ENOX1: variants seen among roughly 807,000 people sequenced by gnomAD.
ENOX1 encodes candidate growth-related and time keeping constitutive hydroquinone (NADH) oxidase.
A neutral mutation model predicts 82.5 loss-of-function variants in ENOX1; 42 were observed. The observed-to-expected ratio is 0.51, with a 90% CI of 0.40 to 0.66. The LOEUF (loss-of-function observed/expected upper bound fraction) is 0.66. ENOX1 is among the 30% of genes least tolerant of loss of function. The pLI, the probability that ENOX1 is intolerant of heterozygous loss-of-function variation, is 0.00. For missense variants in ENOX1, 608 were observed against 811.6 expected, an observed-to-expected ratio of 0.75 and a Z score of 3.05; for synonymous variants, 271 against 282.2, an observed-to-expected ratio of 0.96 and a Z score of 0.40.
intron 8 of ENOX1, among the ~76,000 whole-genome samples, chr13:43,353,934 G>A (rs188501111): frequency 3.3e-5 from 5 of 152,320 alleles, no homozygotes; most frequent in African/African-American, 1.2e-4. Flanking sequence ...AAAAGGAGCG[G>A]CAAATGCCAC....
Position 43,477,505 on chromosome 13 carries a change from C to G in ENOX1, c.-75+6504G>C, listed in dbSNP as rs190560266. Among the ~76,000 whole-genome samples the G allele has an allele frequency of 7.2e-5, 11 of 152,170 alleles. No individual in the cohort carries two copies. The East Asian group carries it at 1.9e-3, about 27-fold the overall frequency. The stretch of plus-strand genomic sequence containing the variant: ...TGAGCTGAGCTGAGAATATACAAGG[C>G]TGATTATTTTCCATCTTCAGAAAGA... On this transcript the variant is annotated intron_variant, in intron 3 of 16. Coordinates refer to ENST00000690772, the MANE Select transcript of ENOX1 (RefSeq NM_001347969.2).
At chr13:43,541,780 T>G (rs1248766646) in intron 2 of ENOX1, among the ~76,000 whole-genome samples, 1 of 152,216 alleles carries the variant, frequency 6.6e-6, no homozygotes, top group Non-Finnish European at 1.5e-5. Context: ...CCATCATGTT[T>G]GTAATTGAAA....
At chr13:43,753,987 C>CGT (rs1389141937) in intron 1 of ENOX1, among the ~76,000 whole-genome samples, 7 of 5,990 alleles carry the variant, frequency 1.2e-3, no homozygotes, top group East Asian at 9.2e-3. Flanking sequence ...TACGTATCTA[C>CGT]GTGTGTGTGT....
intron 3 of ENOX1, among the ~76,000 whole-genome samples, chr13:43,448,901 A>C (rs538625607): frequency 6.6e-6 from 1 of 152,244 alleles, no homozygotes; most frequent in East Asian, 1.9e-4. Flanking sequence ...CAATTTCTAC[A>C]CTGGGGTCTG....
At chr13:43,720,279 G>C (rs2088479130) in intron 1 of ENOX1, among the ~76,000 whole-genome samples, 1 of 152,160 alleles carries the variant, frequency 6.6e-6, no homozygotes, top group Admixed American at 6.5e-5. Context: ...GGCAGCCCTG[G>C]ACTAGGGCTG....
At position 43,489,808 on chromosome 13, in the gene ENOX1, T is replaced by C. The variant is rs140510420; in HGVS notation, c.-218-5656A>G. On this transcript the variant is annotated intron_variant, in intron 2 of 16. Transcript: ENST00000690772. Reference sequence around the variant, plus strand: ...TTGAAGAAGATATGAAGTAAAAGATTACTTTCAAGTCTTAAGATTTAATGT... The same window carrying C: ...TTGAAGAAGATATGAAGTAAAAGATCACTTTCAAGTCTTAAGATTTAATGT... Among the ~76,000 whole-genome samples, 21 of 152,306 alleles carry C rather than the reference T, an allele frequency of 1.4e-4. No homozygotes were observed. The East Asian group carries it at 4.0e-3, about 29-fold the overall frequency.
intron 2 of ENOX1, among the ~76,000 whole-genome samples, chr13:43,511,081 T>C (rs1218812542): frequency 1.3e-5 from 2 of 152,138 alleles, no homozygotes; most frequent in Non-Finnish European, 2.9e-5. Context: ...CATATTTAGT[T>C]CCTTAAAGAG....
intron 3 of ENOX1, among the ~76,000 whole-genome samples, chr13:43,452,946 C>A (rs1179425849): frequency 6.6e-6 from 1 of 152,146 alleles, no homozygotes; most frequent in East Asian, 1.9e-4. Context: ...GTTAGATGAT[C>A]ATTTGAATGG....
At chr13:43,493,261 G>A (rs945948073) in intron 2 of ENOX1, among the ~76,000 whole-genome samples, 10 of 152,150 alleles carry the variant, frequency 6.6e-5, no homozygotes, top group Non-Finnish European at 1.5e-4. Flanking sequence ...GGATTTATTA[G>A]GGGAATTGGC....
rs113937503 is a variant in ENOX1 at position 43,393,571 on chromosome 13, A to G, written c.208+18345T>C. On this transcript the variant is annotated intron_variant, in intron 5 of 16. Coordinates refer to ENST00000690772, the MANE Select transcript of ENOX1 (RefSeq NM_001347969.2). ...ATTAGATAGATGGATGGATGGATGG[A>G]CTAACGACAGGTGGGTGGATGGATG... Among the ~76,000 whole-genome samples the G allele has an allele frequency of 3.7e-3, 556 of 151,162 alleles. 2 individuals are homozygous for G. Among genetic ancestry groups the G allele is most frequent in the African/African-American group, 0.013 (517 of 41,250 alleles).
At chr13:43,396,937 GC>G (rs1238331811) in intron 5 of ENOX1, among the ~76,000 whole-genome samples, 1 of 152,160 alleles carries the variant, frequency 6.6e-6, no homozygotes, top group African/African-American at 2.4e-5. Context: ...TGGCCACTTT[GC>G]CACCGTGTGA....
At chr13:43,651,869 G>T (rs1002010632) in intron 2 of ENOX1, among the ~76,000 whole-genome samples, 1 of 150,974 alleles carries the variant, frequency 6.6e-6, no homozygotes, top group Non-Finnish European at 1.5e-5. Context: ...CAGTTACCTG[G>T]GAGGCTGAGG....
intron 15 of ENOX1, among the ~76,000 whole-genome samples, chr13:43,233,256 T>C (rs1005056561): frequency 6.6e-6 from 1 of 152,142 alleles, no homozygotes; most frequent in African/African-American, 2.4e-5. Flanking sequence ...GATTACAAAA[T>C]GAATAACCCA....
At chr13:43,730,017 A>AT (rs1256471712) in intron 1 of ENOX1, among the ~76,000 whole-genome samples, 1 of 152,210 alleles carries the variant, frequency 6.6e-6, no homozygotes, top group Non-Finnish European at 1.5e-5. Context: ...TCTCCAGAGG[A>AT]TCCCCACTCT....
intron 2 of ENOX1, among the ~76,000 whole-genome samples, chr13:43,617,317 T>C (rs1413232647): frequency 1.3e-5 from 2 of 152,206 alleles, no homozygotes; most frequent in African/African-American, 4.8e-5. Flanking sequence ...TATTTTGTCC[T>C]GAGGACAAAT....
chr13:43,542,353 C>T (rs1451919341), intron 2 of ENOX1, among the ~76,000 whole-genome samples: 1 of 151,610 alleles, frequency 6.6e-6, no homozygotes, highest in Non-Finnish European at 1.5e-5. Flanking sequence ...AGGATGTTCT[C>T]CATCTCCTGA....
intron 1 of ENOX1, among the ~76,000 whole-genome samples, chr13:43,734,066 A>C (rs189704630): frequency 5.9e-5 from 9 of 152,344 alleles, no homozygotes; most frequent in Non-Finnish European, 1.2e-4. Context: ...AGCCAAGGAA[A>C]GCCTCAAGGA....
rs986129578 is a variant in ENOX1 at position 43,625,771 on chromosome 13, CTATT to C, written c.-219+41704_-219+41707del. Reference sequence around the variant, plus strand: ...ATATTTGCTAAGTATTTTTACTTCTCTATTTATGATTGATACTGGTAGACAGTTT... The same window carrying C: ...ATATTTGCTAAGTATTTTTACTTCTCTATGATTGATACTGGTAGACAGTTT... On this transcript the variant is annotated intron_variant, in intron 2 of 16. Transcript: ENST00000690772. Among the ~76,000 whole-genome samples the C allele has an allele frequency of 1.5e-4, 23 of 151,928 alleles. No homozygotes were observed. In the East Asian group the frequency reaches 2.3e-3, roughly 15 times the overall value.
chr13:43,670,846 C>CAA lies in ENOX1; in HGVS notation c.-284-3304_-284-3303dup, dbSNP rs540446318. Among the ~76,000 whole-genome samples the CAA allele has an allele frequency of 2.0e-4, 25 of 126,530 alleles. No individual in the cohort carries two copies. The South Asian group carries it at 5.7e-3, about 29-fold the overall frequency. 83.0% of individuals were successfully genotyped at this position (126,530 alleles called of 152,430 possible). On this transcript the variant is annotated intron_variant, in intron 1 of 16. Transcript: ENST00000690772. Reference sequence around the variant, plus strand: ...CAACAGAGTGAGAGTCTATCTCAAACAACAAAACAACAACAACAACAACAA... The same window carrying CAA: ...CAACAGAGTGAGAGTCTATCTCAAACAAAACAAAACAACAACAACAACAACAA...
Sources: allele counts gnomAD v4.1 joint callset (sites outside exome capture counted in the v4.1 genomes callset), GRCh38; gene constraint gnomAD v4.1.1; transcripts MANE v1.5; gene names NCBI Gene and HGNC (gene_info 2026-07-23, HGNC 2026-07-21).